Variants in ZZEF1 observed in about 807,000 individuals in gnomAD.
ZZEF1 encodes the protein zinc finger ZZ-type and EF-hand domain containing 1.
Under a neutral mutation model 342.8 loss-of-function variants are expected in ZZEF1, and 157 were observed. That is an observed-to-expected ratio of 0.46 (90% confidence interval 0.40 to 0.52). The LOEUF is 0.52. ZZEF1 is among the 20% of genes least tolerant of loss of function. The pLI, the probability that ZZEF1 is intolerant of heterozygous loss-of-function variation, is 0.00. For synonymous variants in ZZEF1, 1,505 were observed against 1,429.1 expected (o/e 1.05, Z -1.20); for missense variants, 3,480 against 3,725.6 (o/e 0.93, Z 1.72).
rs555755322 is a variant in ZZEF1 at position 4,047,814 on chromosome 17, G to A, written c.6015+1894C>T. Among the ~76,000 whole-genome samples the A allele has an allele frequency of 1.9e-3, 275 of 146,646 alleles. 2 individuals are homozygous for A. Among genetic ancestry groups the A allele is most frequent in the African/African-American group, 6.3e-3 (249 of 39,678 alleles). ...AAATTAGCTGGGCGTGGTGGTGGGCGCCTGTAGTCCCAGTTACTTGAGAGG... is the reference window on the plus strand; with the variant it reads ...AAATTAGCTGGGCGTGGTGGTGGGCACCTGTAGTCCCAGTTACTTGAGAGG... On this transcript the variant is annotated intron_variant, in intron 37 of 54. Transcript: ENST00000381638.
intron 9 of ZZEF1, among the ~76,000 whole-genome samples, chr17:4,101,167 G>A (rs961081642): frequency 5.3e-5 from 8 of 152,190 alleles, no homozygotes; most frequent in African/African-American, 1.2e-4. Flanking sequence ...TGCTGAAGAG[G>A]AGCACTGAGG....
chr17:4,007,559 C>T (rs1331055047), intron 54 of ZZEF1, among the ~76,000 whole-genome samples: 1 of 152,078 alleles, frequency 6.6e-6, no homozygotes, highest in Non-Finnish European at 1.5e-5. Context: ...ACAGGGGCAG[C>T]AAGAGGGACC....
intron 9 of ZZEF1, among the ~76,000 whole-genome samples, chr17:4,098,744 T>C (rs896479116): frequency 6.6e-6 from 1 of 152,172 alleles, no homozygotes; most frequent in Non-Finnish European, 1.5e-5. Context: ...ATAAAGACAA[T>C]GTGCAAAATG....
chr17:4,009,682 G>C lies in ZZEF1; in HGVS notation c.8655C>G (p.Asp2885Glu). The part of the protein sequence containing the change: ...FTHMEYGLFE[D>E]VTQPGILLPL... ...GAAGGAGGATGCCGGGCTGCGTCACGTCCTCAAACAGGCCGTACTCCATGT... is the reference window on the plus strand; with the variant it reads ...GAAGGAGGATGCCGGGCTGCGTCACCTCCTCAAACAGGCCGTACTCCATGT... Residue 2885 changes from aspartate to glutamate, a missense_variant, in exon 53 of 55, where the codon GAC becomes GAG. Coordinates refer to ENST00000381638, the MANE Select transcript of ZZEF1 (RefSeq NM_015113.4). The C allele has an allele frequency of 6.2e-7, 1 of 1,614,066 alleles. No individual in the cohort carries two copies. The highest frequency in any genetic ancestry group is 8.5e-7 in the Non-Finnish European group (1 of 1,180,024).
At chr17:4,054,787 T>C (rs200742061) in intron 33 of ZZEF1, among the ~76,000 whole-genome samples, 3 of 152,130 alleles carry the variant, frequency 2.0e-5, no homozygotes, top group East Asian at 3.9e-4. Flanking sequence ...AAAGAATGGA[T>C]CAAAGGGGCA....
At chr17:4,140,238 C>T (rs1161570193) in intron 1 of ZZEF1, among the ~76,000 whole-genome samples, 1 of 152,134 alleles carries the variant, frequency 6.6e-6, no homozygotes, top group African/African-American at 2.4e-5. Flanking sequence ...TTTTGTGTAT[C>T]CCTAATACAC....
At chr17:4,121,603 A>T (rs1378187893) in intron 2 of ZZEF1, among the ~76,000 whole-genome samples, 1 of 152,204 alleles carries the variant, frequency 6.6e-6, no homozygotes, top group African/African-American at 2.4e-5. Context: ...AGCCTGGGTG[A>T]CAGAGCAAGA....
chr17:4,126,651 C>T (rs1454369283), intron 1 of ZZEF1, among the ~76,000 whole-genome samples: 1 of 152,102 alleles, frequency 6.6e-6, no homozygotes, highest in East Asian at 1.9e-4. Flanking sequence ...TGGTAAAAAG[C>T]CTATTTTAAA....
At chr17:4,116,751 G>C (rs1353915181) in intron 3 of ZZEF1, among the ~76,000 whole-genome samples, 1 of 152,198 alleles carries the variant, frequency 6.6e-6, no homozygotes, top group Non-Finnish European at 1.5e-5. Flanking sequence ...AAAGCGGAAA[G>C]GCATCCCTCA....
At position 4,008,143 on chromosome 17, in the gene ZZEF1, A is replaced by C. The variant is rs1313657897; in HGVS notation, c.8805+740T>G. The C allele has an allele frequency of 6.6e-6, 1 of 152,262 alleles. No individual in the cohort carries two copies. Among genetic ancestry groups the C allele is most frequent in the Non-Finnish European group, 1.5e-5 (1 of 68,096 alleles). 9.4% of individuals were successfully genotyped at this position (152,262 alleles called of 1,614,324 possible). A position where few individuals can be genotyped will look rare whatever the true frequency, so the allele number is the denominator to read the frequency against. On this transcript the variant is annotated intron_variant, in intron 54 of 54. Coordinates refer to ENST00000381638, the MANE Select transcript of ZZEF1 (RefSeq NM_015113.4). This position sits in a 1 kb window ranked among gnomAD's most constrained non-coding sequence, Gnocchi z 4.2. Reference sequence around the variant, plus strand: ...TGACGTGTGATCTGACTGACTGCAGAAGCAGACATGAGAACATGAGAATCC... The same window carrying C: ...TGACGTGTGATCTGACTGACTGCAGCAGCAGACATGAGAACATGAGAATCC...
chr17:4,127,582 C>A (rs1041815049), intron 1 of ZZEF1, among the ~76,000 whole-genome samples: 1 of 151,978 alleles, frequency 6.6e-6, no homozygotes, highest in Admixed American at 6.6e-5. Context: ...TTAAAACTTT[C>A]CTATTAAAAA....
At chr17:4,094,357 C>T (rs2057997142) in intron 11 of ZZEF1, among the ~76,000 whole-genome samples, 1 of 151,840 alleles carries the variant, frequency 6.6e-6, no homozygotes, top group Admixed American at 6.6e-5. Context: ...CACTATGTTG[C>T]TCAGGCTGGT....
At chr17:4,112,832 T>C in intron 4 of ZZEF1, 24 bp from the exon 5 acceptor site, 1 of 1,529,804 alleles carries the variant, frequency 6.5e-7, no homozygotes, top group Non-Finnish European at 8.8e-7. Context: ...AAAGCAGAAA[T>C]TACAAATGTT....
rs1455043846 is a variant in ZZEF1 at position 4,093,431 on chromosome 17, T to TA, written c.1913+2399dup. Reference sequence around the variant, plus strand: ...AAATTCTGATTACTGAAGTGCCTGATACGTGGTGAGTTTTCCATCAACGGT... The same window carrying TA: ...AAATTCTGATTACTGAAGTGCCTGATAACGTGGTGAGTTTTCCATCAACGGT... On this transcript the variant is annotated intron_variant, in intron 11 of 54. Transcript: ENST00000381638. Among the ~76,000 whole-genome samples, 6 of 152,382 alleles carry TA rather than the reference T, an allele frequency of 3.9e-5. No homozygotes were observed. The East Asian group carries it at 1.2e-3, about 29-fold the overall frequency.
At chr17:4,123,672 C>A (rs2058526648) in intron 2 of ZZEF1, among the ~76,000 whole-genome samples, 1 of 151,962 alleles carries the variant, frequency 6.6e-6, no homozygotes, top group Admixed American at 6.6e-5. Context: ...TGAAGAGATC[C>A]AATAAGGAAA....
At chr17:4,111,714 TATAA>T (rs2058304220) in intron 5 of ZZEF1, among the ~76,000 whole-genome samples, 1 of 146,182 alleles carries the variant, frequency 6.8e-6, no homozygotes, top group South Asian at 2.1e-4. Flanking sequence ...ATACACAATA[TATAA>T]ATATGTATAA....
intron 26 of ZZEF1, among the ~76,000 whole-genome samples, chr17:4,068,125 T>C (rs952323635): frequency 1.3e-4 from 20 of 152,114 alleles, no homozygotes; most frequent in African/African-American, 4.6e-4. Context: ...CATATATATA[T>C]ACAAATATAC....
rs146009608 is a variant in ZZEF1 at position 4,040,923 on chromosome 17, C to A, written c.6306+1506G>T. ...CCTACCCCAAGAGATGGTTGCTCAACGTGCTACCCAGTGAGCTATGGAAAA... is the reference window on the plus strand; with the variant it reads ...CCTACCCCAAGAGATGGTTGCTCAAAGTGCTACCCAGTGAGCTATGGAAAA... On this transcript the variant is annotated intron_variant, in intron 39 of 54. Coordinates refer to ENST00000381638, the MANE Select transcript of ZZEF1 (RefSeq NM_015113.4). Among the ~76,000 whole-genome samples the A allele has an allele frequency of 2.4e-3, 368 of 152,342 alleles. 3 individuals are homozygous for A. Among genetic ancestry groups the A allele is most frequent in the Middle Eastern group, 6.8e-3 (2 of 294 alleles).
At chr17:4,116,207 T>A (rs1423206675) in intron 3 of ZZEF1, among the ~76,000 whole-genome samples, 1 of 152,156 alleles carries the variant, frequency 6.6e-6, no homozygotes, top group African/African-American at 2.4e-5. Flanking sequence ...TAATCCCAGC[T>A]ACTCAGGAGG....
Sources: allele counts gnomAD v4.1 joint callset (sites outside exome capture counted in the v4.1 genomes callset), GRCh38; gene constraint gnomAD v4.1.1; non-coding constraint Gnocchi (gnomAD v3.1); transcripts MANE v1.5; gene names NCBI Gene and HGNC (gene_info 2026-07-23, HGNC 2026-07-21).